ZNF710: variants seen among roughly 807,000 people sequenced by gnomAD.
The protein encoded by ZNF710 is zinc finger protein 710.
ZNF710 carries 13 observed loss-of-function variants against 50.6 expected under a neutral mutation model. The observed-to-expected ratio is 0.26, with a 90% CI of 0.17 to 0.41. The LOEUF is 0.41. Among genes scored for constraint, ZNF710 ranks in the 10% least tolerant of loss-of-function variants. The pLI is 1.00. For synonymous variants in ZNF710, 383 were observed against 397.0 expected, an observed-to-expected ratio of 0.96 and a Z score of 0.42; for missense variants, 721 against 936.6, an observed-to-expected ratio of 0.77 and a Z score of 3.01.
intron 1 of ZNF710, among the ~76,000 whole-genome samples, chr15:90,030,434 C>T (rs902627532): frequency 6.6e-6 from 1 of 151,620 alleles, no homozygotes; most frequent in Non-Finnish European, 1.5e-5. Flanking sequence ...CAAGGCCGGT[C>T]TTGGTTTTGC....
intron 1 of ZNF710, among the ~76,000 whole-genome samples, chr15:90,005,510 G>C (rs560660747): frequency 6.6e-6 from 1 of 152,036 alleles, no homozygotes; most frequent in African/African-American, 2.4e-5. Flanking sequence ...GTGCAGTGGC[G>C]CGATCTCAGC....
chr15:90,008,441 C>CATATATACAT (rs1555454984), intron 1 of ZNF710, among the ~76,000 whole-genome samples: 3 of 126,512 alleles, frequency 2.4e-5, no homozygotes, highest in African/African-American at 1.1e-4. Flanking sequence ...TATATATATA[C>CATATATACAT]ATATATATAT....
intron 1 of ZNF710, among the ~76,000 whole-genome samples, chr15:90,037,021 G>A (rs887520898): frequency 1.3e-5 from 2 of 152,118 alleles, no homozygotes; most frequent in African/African-American, 2.4e-5. Flanking sequence ...CAGCTCCAGG[G>A]TCAGGCTGGA....
chr15:90,018,466 C>T (rs1343328577), intron 1 of ZNF710, among the ~76,000 whole-genome samples: 1 of 152,210 alleles, frequency 6.6e-6, no homozygotes, highest in Non-Finnish European at 1.5e-5. Context: ...CCGCGCCCAG[C>T]TGGGGTTTTC....
At chr15:90,026,024 A>G (rs1898764041) in intron 1 of ZNF710, 1 of 152,100 alleles carries the variant, frequency 6.6e-6, no homozygotes, top group Admixed American at 6.6e-5. Flanking sequence ...CTAAGCATTC[A>G]GCCTGAGTGC....
intron 2 of ZNF710, among the ~76,000 whole-genome samples, chr15:90,069,922 C>T (rs150755459): frequency 6.0e-4 from 91 of 152,288 alleles, no homozygotes; most frequent in Middle Eastern, 3.4e-3. Flanking sequence ...CCCCTTGGGT[C>T]CCACAATCCC....
intron 2 of ZNF710, among the ~76,000 whole-genome samples, chr15:90,072,154 C>G (rs1439388611): frequency 2.0e-5 from 3 of 152,152 alleles, no homozygotes; most frequent in African/African-American, 4.8e-5. Flanking sequence ...AAATTGGACC[C>G]CTTTGCACAC....
intron 1 of ZNF710, among the ~76,000 whole-genome samples, chr15:90,011,101 T>G (rs1361142481): frequency 6.6e-6 from 1 of 152,042 alleles, no homozygotes; most frequent in Non-Finnish European, 1.5e-5. Flanking sequence ...TGGCTAATCT[T>G]TGTATTTTAG....
At chr15:90,019,401 C>A (rs1898549112) in intron 1 of ZNF710, among the ~76,000 whole-genome samples, 1 of 151,980 alleles carries the variant, frequency 6.6e-6, no homozygotes, top group Non-Finnish European at 1.5e-5. Flanking sequence ...GGTATATTTG[C>A]CCACAGACTT....
intron 1 of ZNF710, among the ~76,000 whole-genome samples, chr15:90,005,850 T>G (rs1216502962): frequency 1.3e-5 from 2 of 152,254 alleles, no homozygotes; most frequent in Non-Finnish European, 2.9e-5. Context: ...TTTGTCTCTC[T>G]TAGTTCTTGC....
At position 90,041,313 on chromosome 15, in the gene ZNF710, C is replaced by T. The variant is rs144060508; in HGVS notation, c.-28-25797C>T. ...TCAAGTGATCTTCCCACCTCAGCCT[C>T]CAGAGTAGCTAAGACTACCAGCATG... On this transcript the variant is annotated intron_variant, in intron 1 of 4. Coordinates refer to ENST00000268154, the MANE Select transcript of ZNF710 (RefSeq NM_198526.4). Among the ~76,000 whole-genome samples the T allele has an allele frequency of 2.6e-5, 4 of 152,266 alleles. No homozygotes were observed. In the East Asian group the frequency reaches 7.7e-4, roughly 29 times the overall value.
At chr15:90,012,599 C>T (rs1898343951) in intron 1 of ZNF710, among the ~76,000 whole-genome samples, 1 of 151,892 alleles carries the variant, frequency 6.6e-6, no homozygotes, top group African/African-American at 2.4e-5. Flanking sequence ...TTTTTTTATT[C>T]CGGGTGTTTT....
At chr15:90,076,991 G>A (rs1900606066) in intron 4 of ZNF710, among the ~76,000 whole-genome samples, 1 of 152,092 alleles carries the variant, frequency 6.6e-6, no homozygotes, top group Non-Finnish European at 1.5e-5. Context: ...TGGGCTCCAG[G>A]TCCCCACCTC....
intron 1 of ZNF710, among the ~76,000 whole-genome samples, chr15:90,015,758 G>A (rs1898436423): frequency 6.6e-6 from 1 of 151,980 alleles, no homozygotes; most frequent in Non-Finnish European, 1.5e-5. Context: ...CGTAAATACT[G>A]AGAAAACCCA....
rs376651255 is a variant in ZNF710 at position 90,067,129 on chromosome 15, C to T, written c.-9C>T. 3.3e-5 allele frequency: 53 copies of T among 1,582,356 alleles called. No homozygotes were observed. The highest frequency in any genetic ancestry group is 1.7e-4 in the Middle Eastern group (1 of 5,908). On this transcript the variant is annotated 5_prime_UTR_variant, in exon 2 of 5. Coordinates refer to ENST00000268154, the MANE Select transcript of ZNF710 (RefSeq NM_198526.4). This position sits in a 1 kb window ranked among gnomAD's most constrained non-coding sequence, Gnocchi z 8.1. ...CCACAGCGATGCCCTCCTAGCTAGC[C>T]GTCACGGGATGGAGGGCTTCATGGA...
rs992580685 is a variant in ZNF710 at position 90,080,149 on chromosome 15, C to T, written c.*320C>T. On this transcript the variant is annotated 3_prime_UTR_variant, in exon 5 of 5. Transcript: ENST00000268154. ...CACTGGGGACAGGTCACAAGGGCACCGGCCCTCGGGGTCTCTCCAGGCCCA... is the reference window on the plus strand; with the variant it reads ...CACTGGGGACAGGTCACAAGGGCACTGGCCCTCGGGGTCTCTCCAGGCCCA... The T allele has an allele frequency of 4.9e-5, 12 of 246,392 alleles. No individual in the cohort carries two copies. The highest frequency in any genetic ancestry group is 1.1e-4 in the African/African-American group (5 of 43,542). The allele number at this position is 246,392 out of a possible 1,614,324, so 15.3% of individuals were successfully genotyped here.
intron 3 of ZNF710, among the ~76,000 whole-genome samples, chr15:90,073,851 G>A (rs914409687): frequency 1.3e-5 from 2 of 152,110 alleles, no homozygotes; most frequent in Admixed American, 6.5e-5. Context: ...TTAGCTGGGC[G>A]TGGTGGCACG....
intron 1 of ZNF710, among the ~76,000 whole-genome samples, chr15:90,026,815 T>C (rs765384348): frequency 9.2e-5 from 14 of 152,130 alleles, no homozygotes; most frequent in Non-Finnish European, 1.8e-4. Context: ...AATGATTAAA[T>C]TGAACAACCA....
chr15:90,078,818 C>G (rs984980509), intron 4 of ZNF710, among the ~76,000 whole-genome samples: 10 of 152,242 alleles, frequency 6.6e-5, no homozygotes, highest in Admixed American at 5.9e-4. Flanking sequence ...CCAAAACACG[C>G]ACATCTCAGC....
Sources: allele counts gnomAD v4.1 joint callset (sites outside exome capture counted in the v4.1 genomes callset), GRCh38; gene constraint gnomAD v4.1.1; non-coding constraint Gnocchi (gnomAD v3.1); transcripts MANE v1.5; gene names NCBI Gene and HGNC (gene_info 2026-07-23, HGNC 2026-07-21).